ST6GALNAC1: variants seen among roughly 807,000 people sequenced by gnomAD.
ST6GALNAC1 encodes the protein ST6 N-acetylgalactosaminide alpha-2,6-sialyltransferase 1, also known as alpha-N-acetylgalactosaminide alpha-2,6-sialyltransferase 1.
Under a neutral mutation model 56.8 loss-of-function variants are expected in ST6GALNAC1, and 45 were observed. The observed-to-expected ratio is 0.79, with a 90% CI of 0.62 to 1.02. ST6GALNAC1 has a LOEUF of 1.02. Among genes scored for constraint, ST6GALNAC1 ranks in the 50% least tolerant of loss-of-function variants. The pLI is 0.00. For synonymous variants in ST6GALNAC1, 295 were observed against 297.8 expected (o/e 0.99, Z 0.10); for missense variants, 743 against 754.8 (o/e 0.98, Z 0.18).
chr17:76,627,252 G>T lies in ST6GALNAC1; in HGVS notation c.1001-14C>A, dbSNP rs534450923. 1.4e-5 allele frequency: 22 copies of T among 1,547,480 alleles called. No individual in the cohort carries two copies. The African/African-American group carries it at 2.5e-4, about 17-fold the overall frequency. ...CCTTCTGCACCACTGGAACAAGAGT[G>T]GGGGTGCTCCATTCAGAGCCCTGGG... On this transcript the variant is annotated splice_polypyrimidine_tract_variant and intron_variant, in intron 3 of 8. Transcript: ENST00000156626. This position sits in a 1 kb window ranked among gnomAD's most constrained non-coding sequence, Gnocchi z 4.4.
chr17:76,620,726 C>T (rs1300170267), downstream of ST6GALNAC1, among the ~76,000 whole-genome samples: 1 of 149,220 alleles, frequency 6.7e-6, no homozygotes, highest in Non-Finnish European at 1.5e-5. Context: ...CAGGCGTGTG[C>T]CACCATGCCC....
rs771394533 is a variant in ST6GALNAC1, at chr17:76,629,455, C to A, written c.388G>T (p.Glu130Ter). 1.2e-6 allele frequency: 2 copies of A among 1,614,134 alleles called. No homozygotes were observed. Among genetic ancestry groups the A allele is most frequent in the Non-Finnish European group, 1.7e-6 (2 of 1,180,008 alleles). Reference sequence around the variant, plus strand: ...GACAGTGTGTTCACCATGGTTTTCTCTTTTTCTGGGCTCTTCCATGCTGCC... The same window carrying A: ...GACAGTGTGTTCACCATGGTTTTCTATTTTTCTGGGCTCTTCCATGCTGCC... ...QRAAWKSPEKEKTMVNTLSPR... is the reference protein window; with the variant it reads ...QRAAWKSPEK The change falls in exon 2 of 9, where the codon GAG becomes TAG. Residue 130 changes from glutamate (E) to a stop codon, truncating the protein, a stop_gained. Transcript: ENST00000156626. LOFTEE classifies it high-confidence loss of function.
intron 1 of ST6GALNAC1, among the ~76,000 whole-genome samples, chr17:76,639,100 T>C (rs1330332661): frequency 6.6e-6 from 1 of 152,216 alleles, no homozygotes; most frequent in Non-Finnish European, 1.5e-5. Context: ...GACAGAGTAC[T>C]CTGCATAAAG....
At chr17:76,619,740 G>GTTTTTTTTTTTTTTTTT in the ST6GALNAC1 span, among the ~76,000 whole-genome samples, 75 of 101,576 alleles carry the variant, frequency 7.4e-4, 4 homozygotes, top group African/African-American at 2.9e-3. Context: ...AATAATGTTA[G>GTTTTTTTTTTTTTTTTT]TTTTTTTTTT....
At chr17:76,622,822 C>G (rs887438173), downstream of ST6GALNAC1, among the ~76,000 whole-genome samples, 2 of 141,308 alleles carry the variant, frequency 1.4e-5, no homozygotes, top group Non-Finnish European at 3.0e-5. Flanking sequence ...TTGAGACAGT[C>G]TTGCTCTATC....
intron 1 of ST6GALNAC1, among the ~76,000 whole-genome samples, chr17:76,633,179 A>T (rs2075931287): frequency 6.6e-6 from 1 of 152,158 alleles, no homozygotes; most frequent in African/African-American, 2.4e-5. Context: ...ACTGCACTCC[A>T]GCCTGGGTGA....
the ST6GALNAC1 span, among the ~76,000 whole-genome samples, chr17:76,618,970 T>C: frequency 2.6e-5 from 4 of 152,108 alleles, no homozygotes; most frequent in Non-Finnish European, 5.9e-5. Flanking sequence ...CTTTCTTATG[T>C]ATGTGTGTAT....
downstream of ST6GALNAC1, chr17:76,624,657 G>A (rs1037957542): frequency 2.0e-5 from 3 of 152,432 alleles, no homozygotes; most frequent in Admixed American, 6.5e-5. Context: ...CTCAATTCTC[G>A]TCATGGGGGT....
intron 1 of ST6GALNAC1, among the ~76,000 whole-genome samples, chr17:76,636,346 C>G (rs2075973058): frequency 6.6e-6 from 1 of 152,154 alleles, no homozygotes; most frequent in African/African-American, 2.4e-5. Flanking sequence ...TTTACTACTT[C>G]TTACCATCAT....
intron 1 of ST6GALNAC1, among the ~76,000 whole-genome samples, chr17:76,642,219 C>CCCATCTATCTATCTATCTATCTAT (rs1555636655): frequency 1.1e-4 from 16 of 150,078 alleles, no homozygotes; most frequent in Non-Finnish European, 1.6e-4. Context: ...TCTCTATCTG[C>CCCATCTATCTATCTATCTATCTAT]CTATCTATCT....
At position 76,627,085 on chromosome 17, in the gene ST6GALNAC1, C is replaced by T. The variant is rs2075811800; in HGVS notation, c.1154G>A (p.Ser385Asn). 1 of 1,559,906 alleles carries T rather than the reference C, an allele frequency of 6.4e-7. No individual in the cohort carries two copies. The highest frequency in any genetic ancestry group is 8.7e-7 in the Non-Finnish European group (1 of 1,153,262). ...AGCTTACCGGAACACGTAGTCGTGA[C>T]TGTCTATCTCCTGGCCCATGTGGGA... Reference protein sequence around the residue: ...NNSHMGQEIDSHDYVFRLSGA... With the variant: ...NNSHMGQEIDNHDYVFRLSGA... The change falls in exon 4 of 9, where the codon AGT (serine) becomes AAT (asparagine). Residue 385 changes from serine to asparagine, a missense_variant. Transcript: ENST00000156626. The surrounding 1 kb of genome is among the most constrained non-coding windows in gnomAD (Gnocchi z 4.4).
chr17:76,623,268 T>C (rs1332779503), downstream of ST6GALNAC1, among the ~76,000 whole-genome samples: 1 of 152,248 alleles, frequency 6.6e-6, no homozygotes, highest in Non-Finnish European at 1.5e-5. Flanking sequence ...AGAGACTTTA[T>C]AGTATGTCTG....
chr17:76,628,156 C>T (rs1384683970), intron 2 of ST6GALNAC1, among the ~76,000 whole-genome samples: 1 of 151,142 alleles, frequency 6.6e-6, no homozygotes, highest in African/African-American at 2.4e-5. Context: ...GGGCCGCATC[C>T]TGGGAATGTG....
chr17:76,637,051 A>G (rs564373011), intron 1 of ST6GALNAC1, among the ~76,000 whole-genome samples: 157 of 152,018 alleles, frequency 1.0e-3, no homozygotes, highest in Non-Finnish European at 2.0e-3. Flanking sequence ...GTGCTTTGTT[A>G]AACAGATGCT....
chr17:76,642,425 T>C, intron 1 of ST6GALNAC1, among the ~76,000 whole-genome samples: 1 of 152,136 alleles, frequency 6.6e-6, no homozygotes, highest in South Asian at 2.1e-4. Flanking sequence ...TATCAAGCAC[T>C]TAGAATAGGG....
chr17:76,640,664 C>T (rs1253056381), intron 1 of ST6GALNAC1, among the ~76,000 whole-genome samples: 1 of 151,952 alleles, frequency 6.6e-6, no homozygotes, highest in African/African-American at 2.4e-5. Flanking sequence ...AACAAAAGTA[C>T]AGAAATATTA....
chr17:76,622,312 TTTTAA>T (rs200361864), downstream of ST6GALNAC1, among the ~76,000 whole-genome samples: 776 of 151,926 alleles, frequency 5.1e-3, 12 homozygotes, highest in African/African-American at 0.018. Context: ...TTCTCCCACT[TTTTAA>T]TTTGTCTTTT....
At position 76,627,013 on chromosome 17, in the gene ST6GALNAC1, G is replaced by C; in HGVS notation, c.1172+54C>G. 1.3e-6 allele frequency: 2 copies of C among 1,507,020 alleles called. No individual in the cohort carries two copies. The highest frequency in any genetic ancestry group is 1.4e-5 in the African/African-American group (1 of 71,174). The allele number at this position is 1,507,020 out of a possible 1,614,324, so 93.4% of individuals were successfully genotyped here. On this transcript the variant is annotated intron_variant, in intron 4 of 8. Transcript: ENST00000156626. The surrounding 1 kb of genome is among the most constrained non-coding windows in gnomAD (Gnocchi z 4.4). ...GGGGCAAGAGAGGGGCTGGAGGGGG[G>C]CTGGAGGGGGCAGGAGAGGGGCTGG...
intron 1 of ST6GALNAC1, among the ~76,000 whole-genome samples, chr17:76,633,051 C>CA (rs1333778902): frequency 2.0e-5 from 3 of 151,062 alleles, no homozygotes; most frequent in African/African-American, 4.9e-5. Flanking sequence ...ACTAAAAATG[C>CA]AAAAAAAATT....
Sources: allele counts gnomAD v4.1 joint callset (sites outside exome capture counted in the v4.1 genomes callset), GRCh38; gene constraint gnomAD v4.1.1; non-coding constraint Gnocchi (gnomAD v3.1); transcripts MANE v1.5; gene names NCBI Gene and HGNC (gene_info 2026-07-23, HGNC 2026-07-21).